The following ERBB4 variants were observed in gnomAD, a reference collection of about 807,000 sequenced individuals.
ERBB4 encodes erb-b2 receptor tyrosine kinase 4, also known as receptor tyrosine-protein kinase erbB-4.
Under a neutral mutation model 158.0 loss-of-function variants are expected in ERBB4, and 42 were observed. The observed-to-expected ratio is 0.27, with a 90% CI of 0.21 to 0.34. ERBB4 has a LOEUF of 0.34. Among genes scored for constraint, ERBB4 ranks in the 10% least tolerant of loss-of-function variants. The pLI, the probability that ERBB4 is intolerant of heterozygous loss-of-function variation, is 1.00. For synonymous variants in ERBB4, 583 were observed against 558.7 expected, an observed-to-expected ratio of 1.04 and a Z score of -0.61; for missense variants, 1,333 against 1,624.1, an observed-to-expected ratio of 0.82 and a Z score of 3.08.
At chr2:212,163,895 C>T (rs2081274654) in intron 1 of ERBB4, among the ~76,000 whole-genome samples, 2 of 152,004 alleles carry the variant, frequency 1.3e-5, no homozygotes, top group African/African-American at 4.8e-5. Context: ...TGGGTTCAAG[C>T]AATTCTCCTG....
chr2:212,182,278 C>T (rs372421533), intron 1 of ERBB4, among the ~76,000 whole-genome samples: 1 of 151,786 alleles, frequency 6.6e-6, no homozygotes, highest in African/African-American at 2.4e-5. Context: ...AGGTCATTTG[C>T]AAATCACTGG....
chr2:212,100,218 C>T (rs985284487), intron 2 of ERBB4, among the ~76,000 whole-genome samples: 5 of 152,200 alleles, frequency 3.3e-5, no homozygotes, highest in African/African-American at 1.2e-4. Flanking sequence ...GGACCTTATC[C>T]TGGCCTCAAT....
At chr2:212,497,453 ACTAGCTG>A (rs1690645050) in intron 1 of ERBB4, among the ~76,000 whole-genome samples, 1 of 152,152 alleles carries the variant, frequency 6.6e-6, no homozygotes, top group African/African-American at 2.4e-5. Flanking sequence ...TAACTTAGAC[ACTAGCTG>A]CTGAAGACGT....
intron 25 of ERBB4, among the ~76,000 whole-genome samples, chr2:211,407,770 G>A (rs564139912): frequency 6.6e-6 from 1 of 152,258 alleles, no homozygotes; most frequent in African/African-American, 2.4e-5. Flanking sequence ...TCAGAATTCT[G>A]AACTGAAAAG....
chr2:212,141,051 A>ATT (rs2080449589), intron 1 of ERBB4, among the ~76,000 whole-genome samples: 2 of 151,882 alleles, frequency 1.3e-5, no homozygotes, highest in Non-Finnish European at 2.9e-5. Flanking sequence ...ATGTCTATAT[A>ATT]TAACTATTAT....
At chr2:211,422,967 C>T (rs543928064) in intron 23 of ERBB4, among the ~76,000 whole-genome samples, 206 of 151,832 alleles carry the variant, frequency 1.4e-3, no homozygotes, top group African/African-American at 4.7e-3. Context: ...CTTCCTTTTC[C>T]GGGAGTTCAG....
intron 2 of ERBB4, among the ~76,000 whole-genome samples, chr2:212,030,080 C>T (rs1364932322): frequency 6.6e-6 from 1 of 152,118 alleles, no homozygotes; most frequent in Non-Finnish European, 1.5e-5. Context: ...CAGGTGGTAT[C>T]ACTGTGTGCT....
chr2:211,748,268 T>G (rs571955085), intron 5 of ERBB4, among the ~76,000 whole-genome samples: 1 of 152,136 alleles, frequency 6.6e-6, no homozygotes, highest in South Asian at 2.1e-4. Flanking sequence ...TTATTTTAAT[T>G]GTAATAGTAT....
intron 1 of ERBB4, among the ~76,000 whole-genome samples, chr2:212,178,898 T>C (rs1343744430): frequency 6.6e-6 from 1 of 151,752 alleles, no homozygotes; most frequent in African/African-American, 2.4e-5. Context: ...AAACTGAATA[T>C]TGGCTTTTCC....
chr2:211,759,883 T>C (rs1338544628), intron 4 of ERBB4, among the ~76,000 whole-genome samples: 1 of 152,098 alleles, frequency 6.6e-6, no homozygotes, highest in Non-Finnish European at 1.5e-5. Flanking sequence ...TTTTGTCATC[T>C]GCTATTTTCA....
At chr2:211,412,984 A>T (rs901790982) in intron 25 of ERBB4, among the ~76,000 whole-genome samples, 5 of 150,956 alleles carry the variant, frequency 3.3e-5, no homozygotes, top group Non-Finnish European at 5.9e-5. Context: ...GAAAGAAAAG[A>T]AATTGAACAA....
intron 1 of ERBB4, among the ~76,000 whole-genome samples, chr2:212,385,204 C>T (rs1230180617): frequency 6.6e-6 from 1 of 151,572 alleles, no homozygotes; most frequent in Non-Finnish European, 1.5e-5. Context: ...GCTTTTTCTG[C>T]AAGATTTACT....
intron 1 of ERBB4, among the ~76,000 whole-genome samples, chr2:212,331,070 A>ATATATATATGTG (rs1181617524): frequency 7.5e-6 from 1 of 132,802 alleles, no homozygotes; most frequent in African/African-American, 2.7e-5. Context: ...ATATATATAT[A>ATATATATATGTG]TACACATATA....
At chr2:212,038,148 T>C (rs2077057403) in intron 2 of ERBB4, among the ~76,000 whole-genome samples, 1 of 152,148 alleles carries the variant, frequency 6.6e-6, no homozygotes, top group South Asian at 2.1e-4. Context: ...AGCTACTTCC[T>C]GCCTATAGGA....
At chr2:211,947,338 C>T in intron 3 of ERBB4, 92 bp downstream of exon 3, 1 of 1,048,464 alleles carries the variant, frequency 9.5e-7, no homozygotes, top group Non-Finnish European at 1.5e-6. Context: ...TAGAGTGTTC[C>T]TCAATGTAAC....
intron 1 of ERBB4, among the ~76,000 whole-genome samples, chr2:212,171,939 GA>G (rs1441003683): frequency 6.6e-6 from 1 of 152,058 alleles, no homozygotes; most frequent in African/African-American, 2.4e-5. Flanking sequence ...TTAAACTAAA[GA>G]GCTTCTGCAC....
intron 1 of ERBB4, among the ~76,000 whole-genome samples, chr2:212,207,733 A>G: frequency 6.6e-6 from 1 of 151,522 alleles, no homozygotes; most frequent in Admixed American, 6.5e-5. Context: ...ATTCTGGGCA[A>G]GACACTTGAA....
intron 25 of ERBB4, among the ~76,000 whole-genome samples, chr2:211,395,695 CAT>C (rs1559125879): frequency 6.6e-6 from 1 of 151,938 alleles, no homozygotes; most frequent in African/African-American, 2.4e-5. Context: ...TGGCCATACA[CAT>C]ATTAATTAAC....
intron 15 of ERBB4, among the ~76,000 whole-genome samples, chr2:211,662,038 C>A (rs1574944165): frequency 5.0e-5 from 2 of 39,694 alleles, no homozygotes; most frequent in African/African-American, 8.6e-5. Flanking sequence ...GACTCCGTCT[C>A]AAAAAAAAAA....
Sources: gnomAD v4.1 joint callset for allele counts (sites outside exome capture counted in the v4.1 genomes callset) on GRCh38, gnomAD v4.1.1 for gene constraint, MANE v1.5 for transcripts, NCBI Gene and HGNC (gene_info 2026-07-23, HGNC 2026-07-21) for gene names.